HDAC9: variants seen among roughly 807,000 people sequenced by gnomAD.
HDAC9 encodes the protein histone deacetylase 9.
Under a neutral mutation model 139.4 loss-of-function variants are expected in HDAC9, and 41 were observed. The observed-to-expected ratio is 0.29, with a 90% CI of 0.23 to 0.38. The LOEUF (loss-of-function observed/expected upper bound fraction) is 0.38, where lower values mean the gene tolerates loss of function less well. Among genes scored for constraint, HDAC9 ranks in the 10% least tolerant of loss-of-function variants. The probability of loss-of-function intolerance (pLI) is 1.00; values close to 1 mark genes in which losing one functional copy is unlikely to be tolerated. For missense variants in HDAC9, 1,147 were observed against 1,297.0 expected, an observed-to-expected ratio of 0.88 and a Z score of 1.78; for synonymous variants, 517 against 476.2, an observed-to-expected ratio of 1.09 and a Z score of -1.12.
chr7:18,804,559 T>C (rs1469255979), intron 17 of HDAC9, among the ~76,000 whole-genome samples: 1 of 152,192 alleles, frequency 6.6e-6, no homozygotes, highest in Non-Finnish European at 1.5e-5. Flanking sequence ...TTTCTTAAAA[T>C]GTTATATTGC....
intron 2 of HDAC9, among the ~76,000 whole-genome samples, chr7:18,257,698 C>A (rs1795372084): frequency 6.6e-6 from 1 of 152,138 alleles, no homozygotes; most frequent in Non-Finnish European, 1.5e-5. Flanking sequence ...TCTGTAGGTT[C>A]TCTGAGAGAA....
At chr7:18,297,305 G>A (rs1798215063) in intron 1 of HDAC9, among the ~76,000 whole-genome samples, 2 of 151,972 alleles carry the variant, frequency 1.3e-5, no homozygotes, top group Admixed American at 1.3e-4. Context: ...GGCTTCCTCG[G>A]GCTGTCTTTA....
intron 2 of HDAC9, among the ~76,000 whole-genome samples, chr7:18,529,202 A>G (rs1808011711): frequency 6.6e-6 from 1 of 152,176 alleles, no homozygotes; most frequent in Non-Finnish European, 1.5e-5. Flanking sequence ...AAATCTTTTG[A>G]AAAATGGTCA....
At chr7:18,507,328 C>A (rs1376815447) in intron 2 of HDAC9, among the ~76,000 whole-genome samples, 1 of 150,912 alleles carries the variant, frequency 6.6e-6, no homozygotes, top group Non-Finnish European at 1.5e-5. Context: ...GTAGCTGGAA[C>A]TACAGGCGCC....
intron 1 of HDAC9, among the ~76,000 whole-genome samples, chr7:18,325,146 C>T (rs1178636266): frequency 6.6e-6 from 1 of 151,970 alleles, no homozygotes; most frequent in Admixed American, 6.6e-5. Flanking sequence ...AAAAAAAGAC[C>T]CAATAGTTTT....
At chr7:18,599,727 T>A (rs60934478) in intron 6 of HDAC9, among the ~76,000 whole-genome samples, 4,329 of 152,322 alleles carry the variant, frequency 0.028, 146 homozygotes, top group African/African-American at 0.079. Flanking sequence ...ATTTTGGTGA[T>A]TATGAATAAG....
At chr7:18,153,355 G>GT (rs35651116) in intron 1 of HDAC9, among the ~76,000 whole-genome samples, 63,117 of 151,794 alleles carry the variant, frequency 0.42, 14,572 homozygotes, top group African/African-American at 0.62. Context: ...ATTTTCTGGG[G>GT]TCAAATACCC....
chr7:18,682,040 A>G (rs574543888), intron 12 of HDAC9, among the ~76,000 whole-genome samples: 1 of 152,216 alleles, frequency 6.6e-6, no homozygotes, highest in South Asian at 2.1e-4. Flanking sequence ...AAAAGGTTAA[A>G]TTTATTAAGA....
intron 2 of HDAC9, among the ~76,000 whole-genome samples, chr7:18,207,813 C>T: frequency 6.6e-6 from 1 of 151,922 alleles, no homozygotes; most frequent in Non-Finnish European, 1.5e-5. Flanking sequence ...CTCCCGGGTT[C>T]AAGCAATTCT....
chr7:18,503,416 T>C (rs1563074092), intron 2 of HDAC9, among the ~76,000 whole-genome samples: 1 of 152,042 alleles, frequency 6.6e-6, no homozygotes, highest in African/African-American at 2.4e-5. Flanking sequence ...TTCACAATAC[T>C]AAACGACCTA....
At chr7:18,303,490 G>T (rs1798706045) in intron 1 of HDAC9, among the ~76,000 whole-genome samples, 1 of 151,386 alleles carries the variant, frequency 6.6e-6, no homozygotes. Context: ...CTTGTGATCT[G>T]CCCACCTCGG....
Position 18,749,006 on chromosome 7 carries a change from A to G in HDAC9, c.1911A>G (p.Gly637=). Residue 637 remains glycine (G), a splice_region_variant and synonymous_variant, in exon 14 of 26, where the codon GGA becomes GGG. Coordinates refer to ENST00000686413, the MANE Select transcript of HDAC9 (RefSeq NM_178425.4). ...TCCTGTATTTCCCTTGTCTTAAAGGAATTGCCTATGACCCCTTGATGCTGA... is the reference window on the plus strand; with the variant it reads ...TCCTGTATTTCCCTTGTCTTAAAGGGATTGCCTATGACCCCTTGATGCTGA... ...DRPLQPGSAT[G]IAYDPLMLKH... The G allele has an allele frequency of 1.2e-6, 2 of 1,613,344 alleles. No homozygotes were observed. Among genetic ancestry groups the G allele is most frequent in the Non-Finnish European group, 8.5e-7 (1 of 1,179,560 alleles).
chr7:18,668,098 G>A, intron 12 of HDAC9: 2 of 949,818 alleles, frequency 2.1e-6, no homozygotes, highest in Non-Finnish European at 2.5e-6. Flanking sequence ...ACATTTTGCT[G>A]TGACATTTAA....
intron 1 of HDAC9, among the ~76,000 whole-genome samples, chr7:18,476,731 T>G (rs1428847737): frequency 1.3e-5 from 2 of 152,190 alleles, no homozygotes; most frequent in Admixed American, 6.6e-5. Context: ...GGCAATAAAC[T>G]TATCTGTATA....
intron 1 of HDAC9, among the ~76,000 whole-genome samples, chr7:18,299,615 C>T (rs1271632201): frequency 6.6e-6 from 1 of 152,096 alleles, no homozygotes; most frequent in Non-Finnish European, 1.5e-5. Flanking sequence ...TTTAGTTCAC[C>T]TTGAGAGGTT....
chr7:18,742,751 G>A (rs909739087), intron 13 of HDAC9, among the ~76,000 whole-genome samples: 10 of 151,858 alleles, frequency 6.6e-5, no homozygotes, highest in African/African-American at 2.4e-4. Flanking sequence ...GTATTCAATA[G>A]CGCTGATCTG....
At position 18,273,056 on chromosome 7, in the gene HDAC9, G is replaced by GTTTTTTTT. The variant is rs746089054; in HGVS notation, c.25+110727_25+110734dup. 1.1e-4 allele frequency among the ~76,000 whole-genome samples: 9 copies of GTTTTTTTT among 84,770 alleles called. 1 individual carries two copies. Among genetic ancestry groups the GTTTTTTTT allele is most frequent in the African/African-American group, 2.4e-4 (4 of 16,684 alleles). 55.6% of individuals were successfully genotyped at this position (84,770 alleles called of 152,430 possible). A position where few individuals can be genotyped will look rare whatever the true frequency, so the allele number is the denominator to read the frequency against. On this transcript the variant is annotated intron_variant, in intron 2 of 12. Transcript: ENST00000417496. The stretch of plus-strand genomic sequence containing the variant: ...CCTCTTCCCCTTCTTCCCCTTCTTC[G>GTTTTTTTT]TTTTTTTTTTTTTTTTTTTTTTTTT...
intron 2 of HDAC9, among the ~76,000 whole-genome samples, chr7:18,231,980 T>A (rs1201289870): frequency 6.6e-6 from 1 of 152,194 alleles, no homozygotes; most frequent in Non-Finnish European, 1.5e-5. Context: ...AACATTGTTG[T>A]AATATTAAAT....
intron 23 of HDAC9, among the ~76,000 whole-genome samples, chr7:18,945,668 TATATGGC>T (rs1180636215): frequency 3.3e-5 from 5 of 152,284 alleles, no homozygotes; most frequent in African/African-American, 1.2e-4. Context: ...ATTGAATATG[TATATGGC>T]ATAATATAGA....
Sources: allele counts gnomAD v4.1 joint callset (sites outside exome capture counted in the v4.1 genomes callset), GRCh38; gene constraint gnomAD v4.1.1; transcripts MANE v1.5; gene names NCBI Gene and HGNC (gene_info 2026-07-23, HGNC 2026-07-21).